Variants in KCNB2 observed in about 807,000 individuals in gnomAD.
KCNB2 encodes the protein delayed rectifier potassium channel protein.
Under a neutral mutation model 61.5 loss-of-function variants are expected in KCNB2, and 15 were observed. That is an observed-to-expected ratio of 0.24 (90% CI 0.16 to 0.38). The LOEUF (loss-of-function observed/expected upper bound fraction) is 0.38, where lower values mean the gene tolerates loss of function less well. Among genes scored for constraint, KCNB2 ranks in the 10% least tolerant of loss-of-function variants. The pLI is 1.00. For missense variants in KCNB2, 828 were observed against 1,125.2 expected (o/e 0.74, Z 3.78); for synonymous variants, 457 against 446.0 (o/e 1.02, Z -0.31).
intron 2 of KCNB2, among the ~76,000 whole-genome samples, chr8:72,772,759 G>A (rs1048075111): frequency 1.3e-5 from 2 of 152,094 alleles, no homozygotes; most frequent in Non-Finnish European, 2.9e-5. Flanking sequence ...AAAATACACC[G>A]GTCTGTCCAT....
intron 2 of KCNB2, among the ~76,000 whole-genome samples, chr8:72,911,136 C>G (rs1806282774): frequency 6.6e-6 from 1 of 152,024 alleles, no homozygotes; most frequent in Non-Finnish European, 1.5e-5. Flanking sequence ...ATTCATTTTC[C>G]CATTTACAGC....
At chr8:72,887,804 A>T (rs940601942) in intron 2 of KCNB2, among the ~76,000 whole-genome samples, 2 of 152,122 alleles carry the variant, frequency 1.3e-5, no homozygotes, top group Admixed American at 1.3e-4. Flanking sequence ...CCAGCTCTGA[A>T]ACCCCCAGAT....
At chr8:72,854,876 G>A (rs563127884) in intron 2 of KCNB2, among the ~76,000 whole-genome samples, 16 of 152,278 alleles carry the variant, frequency 1.1e-4, no homozygotes, top group African/African-American at 3.8e-4. Flanking sequence ...TAAACTAAGA[G>A]CAATAATCCA....
chr8:72,851,084 C>T (rs777181884), intron 2 of KCNB2, among the ~76,000 whole-genome samples: 2 of 9,824 alleles, frequency 2.0e-4, no homozygotes, highest in Non-Finnish European at 1.2e-3. Context: ...ACTTCATTAT[C>T]TTCCTAGAAG....
intron 2 of KCNB2, among the ~76,000 whole-genome samples, chr8:72,824,877 A>G (rs2129001401): frequency 6.6e-6 from 1 of 152,238 alleles, no homozygotes; most frequent in Admixed American, 6.5e-5. Context: ...CTCCTTTTTG[A>G]AAAAATGGTG....
At chr8:72,701,823 C>T (rs1256954615) in intron 2 of KCNB2, among the ~76,000 whole-genome samples, 5 of 151,780 alleles carry the variant, frequency 3.3e-5, no homozygotes, top group African/African-American at 1.2e-4. Context: ...AATTGCGCAA[C>T]CATTTAAAAT....
chr8:72,920,234 A>C (rs1474228094), intron 2 of KCNB2, among the ~76,000 whole-genome samples: 3 of 151,792 alleles, frequency 2.0e-5, no homozygotes, highest in Non-Finnish European at 4.4e-5. Context: ...TATAATGAAA[A>C]AAACCCACAT....
chr8:72,561,731 A>ATGTGTG (rs1806525823), intron 1 of KCNB2, among the ~76,000 whole-genome samples: 1 of 21,358 alleles, frequency 4.7e-5, no homozygotes, highest in South Asian at 1.4e-3. Context: ...ATATATATCT[A>ATGTGTG]TATCTATATA....
chr8:72,596,181 C>A (rs1807186423), intron 2 of KCNB2, among the ~76,000 whole-genome samples: 2 of 152,174 alleles, frequency 1.3e-5, no homozygotes, highest in African/African-American at 4.8e-5. Flanking sequence ...TAAATGATTT[C>A]TTAAATGTCA....
At chr8:72,586,777 A>G (rs1807006677) in intron 2 of KCNB2, among the ~76,000 whole-genome samples, 1 of 152,200 alleles carries the variant, frequency 6.6e-6, no homozygotes, top group Admixed American at 6.5e-5. Flanking sequence ...ATTGTAAACA[A>G]CCCTCGAAAA....
intron 2 of KCNB2, among the ~76,000 whole-genome samples, chr8:72,788,898 G>A (rs780983849): frequency 2.0e-5 from 3 of 152,040 alleles, no homozygotes; most frequent in Admixed American, 6.6e-5. Context: ...TTCTGGAAAG[G>A]GTAAGGTAAA....
At chr8:72,706,040 C>G (rs1283937703) in intron 2 of KCNB2, among the ~76,000 whole-genome samples, 2 of 152,188 alleles carry the variant, frequency 1.3e-5, no homozygotes, top group Non-Finnish European at 2.9e-5. Context: ...AAGGAGCCAA[C>G]AGCAGACCTG....
intron 2 of KCNB2, among the ~76,000 whole-genome samples, chr8:72,917,038 G>A (rs996022796): frequency 6.6e-6 from 1 of 152,190 alleles, no homozygotes; most frequent in African/African-American, 2.4e-5. Context: ...CACAGTATCA[G>A]GCTTTTGGGC....
intron 2 of KCNB2, among the ~76,000 whole-genome samples, chr8:72,804,614 A>G (rs1317425621): frequency 1.3e-5 from 2 of 152,234 alleles, no homozygotes; most frequent in Admixed American, 1.3e-4. Flanking sequence ...CCCTGAGGTT[A>G]AGCCAAATTA....
chr8:72,771,390 C>T (rs965658785), intron 2 of KCNB2, among the ~76,000 whole-genome samples: 1 of 152,058 alleles, frequency 6.6e-6, no homozygotes, highest in Non-Finnish European at 1.5e-5. Context: ...TGGAGTTCTG[C>T]TTTCATCACA....
At chr8:72,777,658 C>A (rs12547091) in intron 2 of KCNB2, among the ~76,000 whole-genome samples, 21,877 of 152,108 alleles carry the variant, frequency 0.14, 1,864 homozygotes, top group South Asian at 0.3. Context: ...GGTTATATTA[C>A]TAAATATACT....
intron 2 of KCNB2, among the ~76,000 whole-genome samples, chr8:72,754,326 G>A (rs926015609): frequency 6.6e-6 from 1 of 152,106 alleles, no homozygotes; most frequent in African/African-American, 2.4e-5. Flanking sequence ...AAGCCCCCTA[G>A]GTCTAACTCA....
At chr8:72,747,605 T>C (rs114070342) in intron 2 of KCNB2, among the ~76,000 whole-genome samples, 13 of 152,264 alleles carry the variant, frequency 8.5e-5, no homozygotes, top group African/African-American at 3.1e-4. Context: ...GGCAAGTCCA[T>C]AGAGTAAAGT....
intron 2 of KCNB2, among the ~76,000 whole-genome samples, chr8:72,658,119 T>C (rs969151793): frequency 1.3e-5 from 2 of 152,088 alleles, no homozygotes; most frequent in African/African-American, 4.8e-5. Context: ...TGATTAAGCT[T>C]AGTAAGAAAG....
Sources: gnomAD v4.1 joint callset for allele counts (sites outside exome capture counted in the v4.1 genomes callset) on GRCh38, gnomAD v4.1.1 for gene constraint, MANE v1.5 for transcripts, NCBI Gene and HGNC (gene_info 2026-07-23, HGNC 2026-07-21) for gene names.